Variants in TRIM37 observed in about 807,000 individuals in gnomAD.
The protein encoded by TRIM37 is tripartite motif containing 37.
TRIM37 carries 80 observed loss-of-function variants against 129.8 expected under a neutral mutation model. The observed-to-expected ratio is 0.62, with a 90% CI of 0.51 to 0.74. TRIM37 has a LOEUF of 0.74. Ranked by LOEUF, TRIM37 falls within the 30% of genes least tolerant of loss-of-function variation. The pLI is 0.00. For missense variants in TRIM37, 1,054 were observed against 1,176.5 expected (o/e 0.90, Z 1.52); for synonymous variants, 389 against 387.1 (o/e 1.00, Z -0.06).
intron 16 of TRIM37, among the ~76,000 whole-genome samples, chr17:59,042,805 T>TA (rs961199660): frequency 1.3e-5 from 2 of 148,788 alleles, no homozygotes; most frequent in African/African-American, 2.5e-5. Context: ...AAAGGAAGAT[T>TA]AAAAAAAAAG....
At chr17:59,019,873 T>C (rs927158327) in intron 19 of TRIM37, among the ~76,000 whole-genome samples, 1 of 152,032 alleles carries the variant, frequency 6.6e-6, no homozygotes, top group Non-Finnish European at 1.5e-5. Context: ...GTTCTAGACT[T>C]ACGAAAAATG....
At chr17:59,037,063 C>G (rs1209380790) in intron 17 of TRIM37, among the ~76,000 whole-genome samples, 1 of 151,876 alleles carries the variant, frequency 6.6e-6, no homozygotes, top group African/African-American at 2.4e-5. Flanking sequence ...TGCAGTGAGC[C>G]GAGATCGTGC....
At position 59,049,303 on chromosome 17, in the gene TRIM37, C is replaced by G. The variant is rs2040124952; in HGVS notation, c.1405G>C (p.Glu469Gln). The G allele has an allele frequency of 6.2e-7, 1 of 1,614,154 alleles. No homozygotes were observed. The highest frequency in any genetic ancestry group is 1.1e-5 in the South Asian group (1 of 91,074). ...CATGCAGACTTCTTAGCTCGTGTCTCCAGAGCATCATCATTTTGGGGGCTA... is the reference window on the plus strand; with the variant it reads ...CATGCAGACTTCTTAGCTCGTGTCTGCAGAGCATCATCATTTTGGGGGCTA... ...HLSPQNDDAL[E>Q]TRAKKSACSD... The change falls in exon 15 of 24, where the codon GAG becomes CAG. Residue 469 changes from glutamate (E) to glutamine (Q), a missense_variant. Coordinates refer to ENST00000262294, the MANE Select transcript of TRIM37 (RefSeq NM_015294.6).
chr17:58,981,597 A>AAAG (rs1306449438), downstream of TRIM37: 9 of 152,686 alleles, frequency 5.9e-5, no homozygotes, highest in Non-Finnish European at 1.5e-5. Flanking sequence ...AATCAGTGTA[A>AAAG]AAGTGTCATA....
At chr17:59,039,984 G>A (rs192679938) in intron 17 of TRIM37, among the ~76,000 whole-genome samples, 24 of 151,954 alleles carry the variant, frequency 1.6e-4, no homozygotes, top group African/African-American at 2.9e-4. Flanking sequence ...TGCAGGCTCC[G>A]CTTCCTGGGC....
chr17:59,049,308 G>A lies in TRIM37; in HGVS notation c.1400C>T (p.Ala467Val). The A allele has an allele frequency of 1.2e-6, 2 of 1,614,130 alleles. No homozygotes were observed. The highest frequency in any genetic ancestry group is 1.1e-5 in the South Asian group (1 of 91,070). Residue 467 changes from alanine (A) to valine (V), a missense_variant, in exon 15 of 24, where the codon GCT becomes GTT. Ala to Val is a moderately conservative substitution (Grantham distance 64). Coordinates refer to ENST00000262294, the MANE Select transcript of TRIM37 (RefSeq NM_015294.6). ...AGACTTCTTAGCTCGTGTCTCCAGAGCATCATCATTTTGGGGGCTAAGATG... is the reference window on the plus strand; with the variant it reads ...AGACTTCTTAGCTCGTGTCTCCAGAACATCATCATTTTGGGGGCTAAGATG... ...DNHLSPQNDD[A>V]LETRAKKSAC...
At chr17:59,057,152 A>G in intron 12 of TRIM37, 98 bp from the exon 13 acceptor site, 1 of 1,038,518 alleles carries the variant, frequency 9.6e-7, no homozygotes, top group South Asian at 1.4e-5. Context: ...TTACCTGAGA[A>G]GAAACCTTAT....
chr17:59,069,043 T>C (rs1465442585), intron 9 of TRIM37, among the ~76,000 whole-genome samples: 4 of 152,250 alleles, frequency 2.6e-5, no homozygotes, highest in East Asian at 1.9e-4. Flanking sequence ...GCTTATATGA[T>C]ATACTCTAGT....
intron 17 of TRIM37, among the ~76,000 whole-genome samples, chr17:59,040,549 C>T (rs532371408): frequency 3.6e-4 from 55 of 151,938 alleles, no homozygotes; most frequent in Non-Finnish European, 6.2e-4. Context: ...AATCACACAC[C>T]AAGACATGGG....
intron 13 of TRIM37, 84 bp downstream of exon 13, chr17:59,056,791 G>A: frequency 1.4e-6 from 1 of 733,326 alleles, no homozygotes; most frequent in Non-Finnish European, 2.1e-6. Flanking sequence ...ATTCATCTTT[G>A]TTAACCAAAT....
chr17:59,027,730 T>C lies in TRIM37; in HGVS notation c.2257+685A>G, dbSNP rs921491594. On this transcript the variant is annotated intron_variant, in intron 19 of 23. Transcript: ENST00000262294. ...TTATTTTTATTCTCTAGAGGCTTCC[T>C]CCTTACATCATAATAAAACTCGAAC... Among the ~76,000 whole-genome samples the C allele has an allele frequency of 2.6e-5, 4 of 152,210 alleles. No homozygotes were observed. In the East Asian group the frequency reaches 7.7e-4, roughly 29 times the overall value.
chr17:59,073,572 G>A (rs1366325953), intron 8 of TRIM37, among the ~76,000 whole-genome samples: 2 of 152,198 alleles, frequency 1.3e-5, no homozygotes, highest in African/African-American at 4.8e-5. Flanking sequence ...TCACAGGCAT[G>A]AGCCACCACG....
chr17:59,060,288 T>C lies in TRIM37; in HGVS notation c.1019+744A>G, dbSNP rs149289316. 5.2e-3 allele frequency among the ~76,000 whole-genome samples: 791 copies of C among 152,290 alleles called. 6 individuals are homozygous for C. The highest frequency in any genetic ancestry group is 0.013 in the South Asian group (61 of 4,820). ...ATCTCTCAGGGACTACTTTCATTTG[T>C]TACCACCATGTCCAGTGTCTAGAAA... On this transcript the variant is annotated intron_variant, in intron 12 of 23. Transcript: ENST00000262294.
intron 2 of TRIM37, among the ~76,000 whole-genome samples, chr17:59,102,905 G>C (rs2045639695): frequency 6.6e-6 from 1 of 151,620 alleles, no homozygotes; most frequent in Non-Finnish European, 1.5e-5. Flanking sequence ...ACGAAGTCTC[G>C]CTCTGTCGCC....
chr17:58,984,995 C>T (rs1449994134), intron 24 of TRIM37: 3 of 152,576 alleles, frequency 2.0e-5, no homozygotes, highest in Admixed American at 6.6e-5. Context: ...TGGAGTGAAG[C>T]GAATGAAGTG....
At chr17:58,996,345 CTGTAAT>C (rs1224556504), downstream of TRIM37, among the ~76,000 whole-genome samples, 5 of 151,658 alleles carry the variant, frequency 3.3e-5, no homozygotes, top group Non-Finnish European at 7.4e-5. Context: ...TGGTGCATGC[CTGTAAT>C]CCCAGCTATT....
intron 10 of TRIM37, among the ~76,000 whole-genome samples, chr17:59,063,228 G>T (rs1247519071): frequency 1.3e-5 from 2 of 151,326 alleles, no homozygotes; most frequent in African/African-American, 4.9e-5. Context: ...TGCCCAGGCT[G>T]GAGCGCAGTG....
At chr17:59,055,997 T>C (rs1005997726) in intron 13 of TRIM37, among the ~76,000 whole-genome samples, 6 of 152,184 alleles carry the variant, frequency 3.9e-5, no homozygotes, top group African/African-American at 1.4e-4. Flanking sequence ...TACTTTTAAT[T>C]TGCTGTTATT....
chr17:59,071,396 C>T (rs1205833365), intron 8 of TRIM37, among the ~76,000 whole-genome samples: 1 of 151,662 alleles, frequency 6.6e-6, no homozygotes, highest in African/African-American at 2.4e-5. Context: ...AGCGATTCTC[C>T]TGCCTCAGCC....
Sources: gnomAD v4.1 joint callset for allele counts (sites outside exome capture counted in the v4.1 genomes callset) on GRCh38, gnomAD v4.1.1 for gene constraint, MANE v1.5 for transcripts, NCBI Gene and HGNC (gene_info 2026-07-23, HGNC 2026-07-21) for gene names.